Variants in PPARGC1A observed in about 807,000 individuals in gnomAD.
PPARGC1A encodes peroxisome proliferator-activated receptor gamma coactivator 1-alpha.
A neutral mutation model predicts 88.7 loss-of-function variants in PPARGC1A; 25 were observed. The observed-to-expected ratio is 0.28, with a 90% CI of 0.21 to 0.39. PPARGC1A has a LOEUF of 0.39. Among genes scored for constraint, PPARGC1A ranks in the 10% least tolerant of loss-of-function variants. PPARGC1A has a pLI of 1.00. For missense variants in PPARGC1A, 880 were observed against 968.7 expected, an observed-to-expected ratio of 0.91 and a Z score of 1.22; for synonymous variants, 363 against 355.6, an observed-to-expected ratio of 1.02 and a Z score of -0.24.
the PPARGC1A span, among the ~76,000 whole-genome samples, chr4:24,210,665 G>A: frequency 2.0e-5 from 3 of 152,282 alleles, no homozygotes; most frequent in East Asian, 3.9e-4. Context: ...ATGTGGCCCC[G>A]TGCACTCCCA....
the PPARGC1A span, among the ~76,000 whole-genome samples, chr4:24,001,218 C>T: frequency 3.3e-5 from 5 of 152,090 alleles, no homozygotes; most frequent in Non-Finnish European, 7.4e-5. Context: ...TGCAAAAACA[C>T]ACCTTCATGT....
At chr4:23,859,756 G>C (rs1730877888) in intron 2 of PPARGC1A, among the ~76,000 whole-genome samples, 1 of 149,578 alleles carries the variant, frequency 6.7e-6, no homozygotes, top group Non-Finnish European at 1.5e-5. Context: ...ACTCCAGCCT[G>C]GGAGAGAGTG....
At chr4:23,947,352 G>GATTGATAT in the PPARGC1A span, among the ~76,000 whole-genome samples, 9 of 75,794 alleles carry the variant, frequency 1.2e-4, no homozygotes, top group African/African-American at 5.5e-4. Flanking sequence ...GTTATATAGT[G>GATTGATAT]ATATATATAT....
intron 5 of PPARGC1A, among the ~76,000 whole-genome samples, chr4:23,826,897 G>A (rs115320992): frequency 0.038 from 5,722 of 152,108 alleles, 115 homozygotes; most frequent in Middle Eastern, 0.058. Flanking sequence ...CTGTGCTGCC[G>A]GGCTGGGTCA....
Position 23,813,962 on chromosome 4 carries a change from C to T in PPARGC1A, c.1521G>A (p.Met507Ile), listed in dbSNP as rs1214600106. Reference protein sequence around the residue: ...LPMFINSGLAMDGLFDDSEDE... With the variant: ...LPMFINSGLAIDGLFDDSEDE... ...CTTCGCTGTCATCAAACAGGCCATC[C>T]ATGGCTAGTCCTGAATTTATAAACA... Residue 507 changes from methionine (M) to isoleucine (I), a missense_variant, in exon 8 of 13, where the codon ATG (methionine) becomes ATA (isoleucine). Coordinates refer to ENST00000264867, the MANE Select transcript of PPARGC1A (RefSeq NM_013261.5). The T allele has an allele frequency of 6.2e-7, 1 of 1,614,084 alleles. No homozygotes were observed. Among genetic ancestry groups the T allele is most frequent in the South Asian group, 1.1e-5 (1 of 91,068 alleles).
At chr4:24,006,213 T>A in the PPARGC1A span, among the ~76,000 whole-genome samples, 2 of 152,126 alleles carry the variant, frequency 1.3e-5, no homozygotes, top group African/African-American at 4.8e-5. Flanking sequence ...CATGCCTGGC[T>A]AATTTTTGTA....
chr4:24,299,061 A>G, the PPARGC1A span, among the ~76,000 whole-genome samples: 1 of 152,218 alleles, frequency 6.6e-6, no homozygotes, highest in African/African-American at 2.4e-5. Context: ...CATAGGTCTC[A>G]TTACCAAGAA....
the PPARGC1A span, among the ~76,000 whole-genome samples, chr4:24,286,814 G>T: frequency 1.9e-4 from 29 of 152,170 alleles, no homozygotes; most frequent in Admixed American, 5.2e-4. Context: ...TCGGGCTCAG[G>T]GTCTCCCACA....
chr4:23,982,259 T>G, the PPARGC1A span, among the ~76,000 whole-genome samples: 1 of 152,158 alleles, frequency 6.6e-6, no homozygotes, highest in African/African-American at 2.4e-5. Context: ...ACATAACAGT[T>G]CAAATAACAA....
chr4:24,308,334 A>C, the PPARGC1A span, among the ~76,000 whole-genome samples: 1 of 152,042 alleles, frequency 6.6e-6, no homozygotes, highest in African/African-American at 2.4e-5. Context: ...AAAAAGAAAG[A>C]AAAGAAATCA....
chr4:24,413,452 A>C, the PPARGC1A span, among the ~76,000 whole-genome samples: 1 of 152,246 alleles, frequency 6.6e-6, no homozygotes, highest in African/African-American at 2.4e-5. Flanking sequence ...AGTGGCCAGA[A>C]GGAAGAATCC....
At chr4:24,339,145 G>T in the PPARGC1A span, among the ~76,000 whole-genome samples, 1 of 149,988 alleles carries the variant, frequency 6.7e-6, no homozygotes, top group Non-Finnish European at 1.5e-5. Context: ...TTTGTTCCTT[G>T]TGTGTCTGGC....
the PPARGC1A span, among the ~76,000 whole-genome samples, chr4:24,349,411 G>A: frequency 6.6e-5 from 10 of 152,164 alleles, no homozygotes; most frequent in Admixed American, 6.5e-4. Context: ...GATAGGGAAG[G>A]GCCATCAGGT....
chr4:24,470,695 G>A, the PPARGC1A span, among the ~76,000 whole-genome samples: 1 of 151,812 alleles, frequency 6.6e-6, no homozygotes, highest in Non-Finnish European at 1.5e-5. This position sits in a 1 kb window ranked among gnomAD's most constrained non-coding sequence, Gnocchi z 5.8. Flanking sequence ...CGTACTTCCC[G>A]GGGGCAGCCC....
the PPARGC1A span, among the ~76,000 whole-genome samples, chr4:24,432,154 A>G: frequency 6.6e-6 from 1 of 152,180 alleles, no homozygotes; most frequent in Non-Finnish European, 1.5e-5. Context: ...AAAGAAAGTG[A>G]AGTTAAAAGA....
At chr4:24,380,208 T>C in the PPARGC1A span, among the ~76,000 whole-genome samples, 4 of 152,244 alleles carry the variant, frequency 2.6e-5, no homozygotes, top group Non-Finnish European at 4.4e-5. Context: ...GCACAGTACA[T>C]GGGAGTAACT....
chr4:24,423,831 C>T, the PPARGC1A span, among the ~76,000 whole-genome samples: 9 of 152,140 alleles, frequency 5.9e-5, no homozygotes, highest in Non-Finnish European at 8.8e-5. Flanking sequence ...CAAACACTAC[C>T]AACGCTGCCT....
At chr4:24,042,277 T>C in the PPARGC1A span, among the ~76,000 whole-genome samples, 1 of 152,166 alleles carries the variant, frequency 6.6e-6, no homozygotes, top group African/African-American at 2.4e-5. Context: ...AAAAAATGTA[T>C]ACACCAAGTC....
At chr4:24,163,990 T>C in the PPARGC1A span, among the ~76,000 whole-genome samples, 1 of 152,218 alleles carries the variant, frequency 6.6e-6, no homozygotes, top group Admixed American at 6.5e-5. Context: ...TCCTTGTTCA[T>C]TTGACCACAG....
Sources: gnomAD v4.1 joint callset for allele counts (sites outside exome capture counted in the v4.1 genomes callset) on GRCh38, gnomAD v4.1.1 for gene constraint, Gnocchi (gnomAD v3.1) non-coding constraint, MANE v1.5 for transcripts, NCBI Gene and HGNC (gene_info 2026-07-23, HGNC 2026-07-21) for gene names.